Variants in SUSD1 observed in about 807,000 individuals in gnomAD.
The protein encoded by SUSD1 is sushi domain-containing protein 1.
In SUSD1, 65 loss-of-function variants were observed where a neutral mutation model predicts 86.9. That is an observed-to-expected ratio of 0.75 (90% CI 0.61 to 0.92). The LOEUF is 0.92. SUSD1 is among the 40% of genes least tolerant of loss of function. The pLI, the probability that SUSD1 is intolerant of heterozygous loss-of-function variation, is 0.00. For missense variants in SUSD1, 850 were observed against 929.7 expected (o/e 0.91, Z 1.11); for synonymous variants, 346 against 350.0 (o/e 0.99, Z 0.13).
rs563856591 is a variant in SUSD1 at position 112,130,296 on chromosome 9, C to T, written c.707-5860G>A. ...GTTGAGGCAGGAGGATCGCTTGAAC[C>T]TGGGAGGCAGAGGTTACAGTGAGCC... On this transcript the variant is annotated intron_variant, in intron 5 of 16. Transcript: ENST00000374270. Among the ~76,000 whole-genome samples the T allele has an allele frequency of 2.0e-5, 3 of 151,924 alleles. No homozygotes were observed. In the East Asian group the frequency reaches 5.8e-4, roughly 29 times the overall value.
At position 112,097,395 on chromosome 9, in the gene SUSD1, CTT is replaced by C. The variant is rs764568520; in HGVS notation, c.1474+1073_1474+1074del. Among the ~76,000 whole-genome samples, 368 of 103,262 alleles carry C rather than the reference CTT, an allele frequency of 3.6e-3. 1 individual carries two copies. In the East Asian group the frequency reaches 0.037, roughly 10 times the overall value. 67.7% of individuals were successfully genotyped at this position (103,262 alleles called of 152,430 possible). A position where few individuals can be genotyped will look rare whatever the true frequency, so the allele number is the denominator to read the frequency against. On this transcript the variant is annotated intron_variant, in intron 10 of 16. Coordinates refer to ENST00000374270, the MANE Select transcript of SUSD1 (RefSeq NM_022486.5). ...ATGAGTGTCTAACACATTTCAGAGT[CTT>C]TTTTTTTTTTTTTTTTTTGAGATGG...
chr9:112,080,838 T>C (rs574363022), intron 10 of SUSD1, among the ~76,000 whole-genome samples: 1 of 152,354 alleles, frequency 6.6e-6, no homozygotes, highest in Admixed American at 6.5e-5. Context: ...TTCGAAATTC[T>C]GAGCTAAGAG....
chr9:112,122,625 C>T (rs1831600193), intron 6 of SUSD1, among the ~76,000 whole-genome samples: 1 of 152,130 alleles, frequency 6.6e-6, no homozygotes, highest in African/African-American at 2.4e-5. Context: ...AATTCCACTT[C>T]TGGATATATA....
intron 1 of SUSD1, among the ~76,000 whole-genome samples, chr9:112,160,195 A>G (rs1442256533): frequency 6.6e-6 from 1 of 152,208 alleles, no homozygotes; most frequent in Non-Finnish European, 1.5e-5. Context: ...CTAGGAAGGT[A>G]TAAACCCTGA....
chr9:112,174,937 C>T (rs1359850438), intron 1 of SUSD1, among the ~76,000 whole-genome samples, 196 bp downstream of exon 1: 2 of 151,614 alleles, frequency 1.3e-5, no homozygotes, highest in Non-Finnish European at 2.9e-5. Context: ...GGCAGGGAAG[C>T]CCGGCGGGGA....
In SUSD1 at chr9:112,041,471, C is replaced by A. The variant is rs373388512; in HGVS notation, c.*21G>T. On this transcript the variant is annotated 3_prime_UTR_variant, in exon 17 of 17. Transcript: ENST00000374270. ...CCTGCCCAGCAGCAGTGCATCCTCC[C>A]CACTCAGTGTCCATCTGCCATCTAG... The A allele has an allele frequency of 7.7e-6, 6 of 780,920 alleles. No individual in the cohort carries two copies. In the African/African-American group the frequency reaches 8.5e-5, roughly 11 times the overall value. The allele number at this position is 780,920 out of a possible 1,614,324, so 48.4% of individuals were successfully genotyped here. A position where few individuals can be genotyped will look rare whatever the true frequency, so the allele number is the denominator to read the frequency against.
chr9:112,135,436 G>A (rs1832219926), intron 5 of SUSD1, among the ~76,000 whole-genome samples: 1 of 152,182 alleles, frequency 6.6e-6, no homozygotes, highest in African/African-American at 2.4e-5. Flanking sequence ...CTGCAGAGGA[G>A]GTGATAGGGT....
intron 5 of SUSD1, among the ~76,000 whole-genome samples, chr9:112,133,360 T>C (rs996411316): frequency 6.6e-6 from 1 of 152,202 alleles, no homozygotes; most frequent in Admixed American, 6.5e-5. Context: ...TACTGGTACA[T>C]AGGCCAATAG....
intron 8 of SUSD1, among the ~76,000 whole-genome samples, chr9:112,106,039 G>C (rs560381937): frequency 4.6e-5 from 7 of 152,158 alleles, no homozygotes; most frequent in African/African-American, 1.4e-4. Context: ...GCGCAGGCTG[G>C]AGTGCAGTGG....
Position 112,082,670 on chromosome 9 carries a change from C to T in SUSD1, c.1475-2505G>A, listed in dbSNP as rs920921462. ...CTTAGTGAAACTGATTTCACACTTC[C>T]GACCTCCAGAACTATAAGACACTAA... On this transcript the variant is annotated intron_variant, in intron 10 of 16. Coordinates refer to ENST00000374270, the MANE Select transcript of SUSD1 (RefSeq NM_022486.5). Among the ~76,000 whole-genome samples the T allele has an allele frequency of 6.6e-5, 10 of 152,194 alleles. No homozygotes were observed. The South Asian group carries it at 8.3e-4, about 13-fold the overall frequency.
chr9:112,042,597 T>A (rs1827790367), intron 15 of SUSD1, among the ~76,000 whole-genome samples: 2 of 152,184 alleles, frequency 1.3e-5, no homozygotes. Flanking sequence ...GAGTTGCACA[T>A]GTGGGCCAAG....
At chr9:112,083,713 T>G (rs1829861783) in intron 10 of SUSD1, among the ~76,000 whole-genome samples, 1 of 152,204 alleles carries the variant, frequency 6.6e-6, no homozygotes, top group African/African-American at 2.4e-5. Context: ...ACTTCTCAAT[T>G]AAGAGTTGTT....
chr9:112,153,912 C>A (rs1833178937), intron 2 of SUSD1, among the ~76,000 whole-genome samples: 1 of 152,048 alleles, frequency 6.6e-6, no homozygotes, highest in Admixed American at 6.6e-5. Flanking sequence ...CCATGCCTGG[C>A]CTATGTACTA....
intron 11 of SUSD1, among the ~76,000 whole-genome samples, 194 bp downstream of exon 11, chr9:112,079,880 A>G (rs61120558): frequency 0.27 from 40,475 of 151,994 alleles, 5,951 homozygotes; most frequent in African/African-American, 0.4. Context: ...GGGATTACAA[A>G]TGTGAGCCAC....
At chr9:112,151,709 C>T (rs555782281) in intron 2 of SUSD1, among the ~76,000 whole-genome samples, 5 of 151,944 alleles carry the variant, frequency 3.3e-5, no homozygotes, top group South Asian at 2.1e-4. Flanking sequence ...CAAGACCATC[C>T]TGGCCAACAA....
chr9:112,049,135 C>T (rs547487263), intron 15 of SUSD1, among the ~76,000 whole-genome samples: 1 of 152,214 alleles, frequency 6.6e-6, no homozygotes, highest in Admixed American at 6.5e-5. Context: ...GTCATCCCTG[C>T]TACAGGTAGG....
intron 3 of SUSD1, among the ~76,000 whole-genome samples, chr9:112,145,581 T>C (rs145621420): frequency 4.6e-5 from 7 of 152,324 alleles, no homozygotes; most frequent in African/African-American, 1.4e-4. Flanking sequence ...CACCTGGCTA[T>C]AATTTCTTTT....
intron 1 of SUSD1, among the ~76,000 whole-genome samples, chr9:112,163,227 C>G (rs1485837230): frequency 1.3e-5 from 2 of 152,142 alleles, no homozygotes; most frequent in African/African-American, 4.8e-5. Flanking sequence ...GTGACGACAG[C>G]TCACTGCAGC....
chr9:112,066,914 C>T (rs1454048695), intron 12 of SUSD1, among the ~76,000 whole-genome samples: 1 of 152,118 alleles, frequency 6.6e-6, no homozygotes, highest in Non-Finnish European at 1.5e-5. Flanking sequence ...CTCACTCTGT[C>T]ACCCAGGCTG....
Sources: allele counts gnomAD v4.1 joint callset (sites outside exome capture counted in the v4.1 genomes callset), GRCh38; gene constraint gnomAD v4.1.1; transcripts MANE v1.5; gene names NCBI Gene and HGNC (gene_info 2026-07-23, HGNC 2026-07-21).